The following SRGAP1 variants were observed in gnomAD, a reference collection of about 807,000 sequenced individuals.
SRGAP1 encodes the protein SLIT-ROBO Rho GTPase activating protein 1.
In SRGAP1, 43 loss-of-function variants were observed where a neutral mutation model predicts 121.9. The observed-to-expected ratio is 0.35, with a 90% CI of 0.28 to 0.46. SRGAP1 has a LOEUF of 0.46. Among genes scored for constraint, SRGAP1 ranks in the 20% least tolerant of loss-of-function variants. The pLI, the probability that SRGAP1 is intolerant of heterozygous loss-of-function variation, is 1.00. For missense variants in SRGAP1, 1,102 were observed against 1,350.9 expected, an observed-to-expected ratio of 0.82 and a Z score of 2.89; for synonymous variants, 447 against 485.4, an observed-to-expected ratio of 0.92 and a Z score of 1.04.
intron 1 of SRGAP1, among the ~76,000 whole-genome samples, chr12:63,899,128 T>C (rs1367436719): frequency 6.6e-6 from 1 of 152,162 alleles, no homozygotes; most frequent in Non-Finnish European, 1.5e-5. Flanking sequence ...ATCCCAGCAC[T>C]CCTAGCACTT....
chr12:64,080,429 A>T (rs1228582299), intron 10 of SRGAP1, 59 bp downstream of exon 10: 7 of 1,287,816 alleles, frequency 5.4e-6, no homozygotes, highest in Non-Finnish European at 7.9e-6. Context: ...TCATGTATAT[A>T]TTCCAGAAAG....
chr12:63,874,739 C>G (rs1468129546), intron 1 of SRGAP1, among the ~76,000 whole-genome samples: 1 of 151,986 alleles, frequency 6.6e-6, no homozygotes, highest in Non-Finnish European at 1.5e-5. Context: ...ATATAAAGTG[C>G]TAGAAGAATG....
intron 1 of SRGAP1, chr12:63,871,918 A>G (rs1899867276): frequency 1.0e-5 from 14 of 1,401,314 alleles, no homozygotes; most frequent in Non-Finnish European, 1.4e-5. Context: ...TGCCCACCAT[A>G]GCCACTCTGC....
chr12:63,883,732 C>T (rs1212839884), intron 1 of SRGAP1, among the ~76,000 whole-genome samples: 1 of 150,618 alleles, frequency 6.6e-6, no homozygotes, highest in Non-Finnish European at 1.5e-5. Flanking sequence ...AATCTCGGCT[C>T]ACTGCAAGCT....
chr12:63,907,189 A>T (rs1386415894), intron 1 of SRGAP1, among the ~76,000 whole-genome samples: 1 of 152,002 alleles, frequency 6.6e-6, no homozygotes, highest in African/African-American at 2.4e-5. Flanking sequence ...TCATGTACTT[A>T]TGGCCATTTG....
chr12:64,043,381 G>T, intron 5 of SRGAP1, 66 bp from the exon 6 acceptor site: 2 of 1,487,138 alleles, frequency 1.3e-6, no homozygotes, highest in Non-Finnish European at 1.8e-6. Flanking sequence ...ATGCATGTAT[G>T]TTTCTCTGTC....
chr12:63,926,680 A>G (rs2031274615), intron 1 of SRGAP1, among the ~76,000 whole-genome samples: 1 of 152,162 alleles, frequency 6.6e-6, no homozygotes, highest in African/African-American at 2.4e-5. Flanking sequence ...TCGATTACCT[A>G]TCATTTTTTA....
chr12:64,143,256 C>G lies in SRGAP1; in HGVS notation c.*584C>G, dbSNP rs1215874857. 1 of 153,054 alleles carries G rather than the reference C, an allele frequency of 6.5e-6. No individual in the cohort carries two copies. Among genetic ancestry groups the G allele is most frequent in the Non-Finnish European group, 1.5e-5 (1 of 68,692 alleles). The allele number at this position is 153,054 out of a possible 1,614,324, so 9.5% of individuals were successfully genotyped here. ...GGTTGGATGCTTGCCTCTTTCCTAA[C>G]AGTTATTTCCCCGGGTCCAGCTTAA... On this transcript the variant is annotated 3_prime_UTR_variant, in exon 22 of 22. Transcript: ENST00000355086.
chr12:64,132,955 A>G (rs2036807561), intron 21 of SRGAP1, among the ~76,000 whole-genome samples: 1 of 152,228 alleles, frequency 6.6e-6, no homozygotes, highest in Non-Finnish European at 1.5e-5. Context: ...AGTGGCTCCA[A>G]TCCACATACC....
chr12:64,086,589 A>T (rs2035943146), intron 10 of SRGAP1, among the ~76,000 whole-genome samples: 1 of 152,174 alleles, frequency 6.6e-6, no homozygotes. Flanking sequence ...CTGTATTTGA[A>T]CCCATCCTTC....
rs572868823 is a variant in SRGAP1, at chr12:63,976,395, C to G, written c.68-7552C>G. ...TCAATCTCAGGGTCACCTCTTTGTG[C>G]CCTTGCCTTCTTGCCCAGCCATGGA... is the stretch of plus-strand genomic sequence containing the variant. On this transcript the variant is annotated intron_variant, in intron 1 of 21. Transcript: ENST00000355086. 3.3e-5 allele frequency among the ~76,000 whole-genome samples: 5 copies of G among 152,284 alleles called. No individual in the cohort carries two copies. The East Asian group carries it at 9.7e-4, about 29-fold the overall frequency.
intron 4 of SRGAP1, among the ~76,000 whole-genome samples, chr12:64,035,198 A>G (rs1057079968): frequency 1.3e-5 from 2 of 152,188 alleles, no homozygotes; most frequent in African/African-American, 2.4e-5. Flanking sequence ...TATCCTTTAT[A>G]TAAATGAAAT....
At chr12:64,086,827 A>G (rs1484157631) in intron 10 of SRGAP1, among the ~76,000 whole-genome samples, 172 bp from the exon 11 acceptor site, 1 of 151,682 alleles carries the variant, frequency 6.6e-6, no homozygotes, top group Non-Finnish European at 1.5e-5. Context: ...TGAAATGTTT[A>G]CACTGAATTA....
chr12:64,001,716 CAGA>C (rs1198005834), intron 3 of SRGAP1, among the ~76,000 whole-genome samples: 6 of 152,178 alleles, frequency 3.9e-5, no homozygotes, highest in Non-Finnish European at 7.3e-5. Context: ...CAGCTCACAA[CAGA>C]AGAACCTCCC....
intron 12 of SRGAP1, 45 bp from the exon 13 acceptor site, chr12:64,094,887 T>C: frequency 2.6e-6 from 4 of 1,564,508 alleles, no homozygotes; most frequent in Non-Finnish European, 3.5e-6. Flanking sequence ...ATGAGGCATT[T>C]ATACCTCTCC....
intron 1 of SRGAP1, among the ~76,000 whole-genome samples, chr12:63,978,580 T>C (rs1317648863): frequency 6.6e-6 from 1 of 152,252 alleles, no homozygotes; most frequent in Admixed American, 6.5e-5. Flanking sequence ...TGTGGCTATA[T>C]CACATTTTAT....
intron 6 of SRGAP1, among the ~76,000 whole-genome samples, chr12:64,047,780 G>A (rs1302978510): frequency 6.6e-6 from 1 of 152,078 alleles, no homozygotes; most frequent in East Asian, 1.9e-4. Context: ...AGCAGTACAT[G>A]TGTATTGTAA....
chr12:64,151,104 A>G lies in SRGAP1; in HGVS notation c.*8432A>G, dbSNP rs2037115987. 1.3e-5 allele frequency: 2 copies of G among 152,134 alleles called. No individual in the cohort carries two copies. The highest frequency in any genetic ancestry group is 4.2e-4 in the South Asian group (2 of 4,814). 9.4% of individuals were successfully genotyped at this position (152,134 alleles called of 1,614,324 possible). A position where few individuals can be genotyped will look rare whatever the true frequency, so the allele number is the denominator to read the frequency against. On this transcript the variant is annotated 3_prime_UTR_variant, in exon 22 of 22. Coordinates refer to ENST00000355086, the MANE Select transcript of SRGAP1 (RefSeq NM_020762.4). The stretch of plus-strand genomic sequence containing the variant: ...TTTAAGTAAGCCAAAAATCTATTAT[A>G]TAGTCATAAGTCAAACTCAGTTACT...
intron 7 of SRGAP1, among the ~76,000 whole-genome samples, chr12:64,064,089 G>T (rs1416870518): frequency 1.3e-5 from 2 of 152,082 alleles, no homozygotes; most frequent in African/African-American, 2.4e-5. Flanking sequence ...AAAACCAAAT[G>T]GTTGCTGTTT....
Sources: allele counts gnomAD v4.1 joint callset (sites outside exome capture counted in the v4.1 genomes callset), GRCh38; gene constraint gnomAD v4.1.1; transcripts MANE v1.5; gene names NCBI Gene and HGNC (gene_info 2026-07-23, HGNC 2026-07-21).